BPGM: variants seen among roughly 807,000 people sequenced by gnomAD.
BPGM encodes the protein bisphosphoglycerate mutase, also known as 2,3-bisphosphoglycerate mutase, erythrocyte.
A neutral mutation model predicts 21.6 loss-of-function variants in BPGM; 15 were observed. The observed-to-expected ratio is 0.70, with a 90% CI of 0.47 to 1.07. The LOEUF (loss-of-function observed/expected upper bound fraction) is 1.07, where lower values mean the gene tolerates loss of function less well. Among genes scored for constraint, BPGM ranks in the 50% least tolerant of loss-of-function variants. The pLI is 0.00. For missense variants in BPGM, 273 were observed against 319.0 expected (o/e 0.86, Z 1.10); for synonymous variants, 113 against 116.2 (o/e 0.97, Z 0.18).
At chr7:134,671,400 T>G (rs1345718708) in intron 2 of BPGM, among the ~76,000 whole-genome samples, 18 of 151,132 alleles carry the variant, frequency 1.2e-4, no homozygotes, top group African/African-American at 4.4e-4. Flanking sequence ...CTCGCTCTGT[T>G]GCCCAGGCTG....
chr7:134,676,409 T>C (rs147191557), intron 2 of BPGM, among the ~76,000 whole-genome samples: 43 of 152,262 alleles, frequency 2.8e-4, no homozygotes, highest in African/African-American at 9.1e-4. Context: ...AACAAATTAA[T>C]TTTTTATAGT....
At position 134,661,754 on chromosome 7, in the gene BPGM, A is replaced by G; in HGVS notation, c.247A>G (p.Ser83Gly). 6.2e-7 allele frequency: 1 copy of G among 1,614,132 alleles called. No homozygotes were observed. Among genetic ancestry groups the G allele is most frequent in the Non-Finnish European group, 8.5e-7 (1 of 1,180,024 alleles). ...ELGQEWVPVE[S>G]SWRLNERHYG... ...AGGCCAGGAATGGGTGCCTGTGGAA[A>G]GCTCCTGGCGTCTAAATGAGCGTCA... Residue 83 changes from serine to glycine, a missense_variant, in exon 2 of 3, where the codon AGC (serine) becomes GGC (glycine). Transcript: ENST00000344924. The surrounding 1 kb of genome is among the most constrained non-coding windows in gnomAD (Gnocchi z 4.6).
chr7:134,663,365 GAT>G (rs1554411773), intron 2 of BPGM, among the ~76,000 whole-genome samples: 1 of 105,352 alleles, frequency 9.5e-6, no homozygotes, highest in South Asian at 4.3e-4. Context: ...CATGGCACTT[GAT>G]ATGTGTGTGT....
At chr7:134,677,456 T>G (rs1795999095) in intron 2 of BPGM, among the ~76,000 whole-genome samples, 1 of 152,090 alleles carries the variant, frequency 6.6e-6, no homozygotes, top group South Asian at 2.1e-4. Flanking sequence ...TGTATAAGAG[T>G]TATTAGGGAG....
At chr7:134,651,916 T>A (rs1795560653) in intron 1 of BPGM, among the ~76,000 whole-genome samples, 1 of 152,176 alleles carries the variant, frequency 6.6e-6, no homozygotes, top group Admixed American at 6.5e-5. Context: ...TGAGGCACTA[T>A]GGGATAATTT....
At chr7:134,651,572 A>G (rs754749406) in intron 1 of BPGM, among the ~76,000 whole-genome samples, 81 of 152,216 alleles carry the variant, frequency 5.3e-4, no homozygotes, top group Admixed American at 1.4e-3. Context: ...ATCATGCTAC[A>G]TTTGTTGAAA....
chr7:134,648,392 C>A (rs548084079), intron 1 of BPGM, among the ~76,000 whole-genome samples: 9 of 152,158 alleles, frequency 5.9e-5, no homozygotes, highest in African/African-American at 1.9e-4. Context: ...GCCTCGGCCT[C>A]CCAAAGTGCT....
At position 134,662,109 on chromosome 7, in the gene BPGM, G is replaced by A. The variant is rs925069034; in HGVS notation, c.601+1G>A. The A allele has an allele frequency of 6.8e-6, 11 of 1,613,876 alleles. No homozygotes were observed. Among genetic ancestry groups the A allele is most frequent in the Non-Finnish European group, 9.3e-6 (11 of 1,180,004 alleles). On this transcript the variant is annotated splice_donor_variant, in intron 2 of 2. Coordinates refer to ENST00000344924, the MANE Select transcript of BPGM (RefSeq NM_001724.5). LOFTEE classifies it high-confidence loss of function. ...AGGGCACTCCTAAAACACCTGGAAGGTACCAGCTTTATATACCACTTATTA... is the reference window on the plus strand; with the variant it reads ...AGGGCACTCCTAAAACACCTGGAAGATACCAGCTTTATATACCACTTATTA...
chr7:134,676,481 A>G (rs1464270120), intron 2 of BPGM, among the ~76,000 whole-genome samples: 1 of 152,218 alleles, frequency 6.6e-6, no homozygotes, highest in Non-Finnish European at 1.5e-5. Context: ...TTAGTGAGCA[A>G]TATGCTTACA....
chr7:134,650,645 G>A (rs560081863), intron 1 of BPGM, among the ~76,000 whole-genome samples: 4 of 152,316 alleles, frequency 2.6e-5, no homozygotes, highest in African/African-American at 7.2e-5. Flanking sequence ...AGCCTTGGCC[G>A]AGCACGGTGG....
At position 134,661,446 on chromosome 7, in the gene BPGM, G is replaced by T; in HGVS notation, c.-61-1G>T. On this transcript the variant is annotated splice_acceptor_variant, in intron 1 of 2. Transcript: ENST00000344924. LOFTEE classifies it low-confidence loss of function (5UTR_SPLICE). The surrounding 1 kb of genome is among the most constrained non-coding windows in gnomAD (Gnocchi z 4.6). ...TAGACTTGTTGTTCTTGTCTTTCTA[G>T]ATGTATTGCTGTCCTTGAATATTAG... The T allele has an allele frequency of 6.2e-7, 1 of 1,608,774 alleles. No homozygotes were observed. The highest frequency in any genetic ancestry group is 8.5e-7 in the Non-Finnish European group (1 of 1,175,898).
At chr7:134,652,810 G>A (rs1258233115) in intron 1 of BPGM, among the ~76,000 whole-genome samples, 6 of 152,094 alleles carry the variant, frequency 3.9e-5, no homozygotes, top group African/African-American at 1.2e-4. Flanking sequence ...ACAGGGTTTC[G>A]TTCTTTTTAT....
intron 1 of BPGM, among the ~76,000 whole-genome samples, chr7:134,656,471 A>T (rs1795640592): frequency 6.6e-6 from 1 of 152,242 alleles, no homozygotes; most frequent in Admixed American, 6.5e-5. Flanking sequence ...GGGTAATTTT[A>T]TAAAGGAAAG....
chr7:134,662,148 G>A lies in BPGM; in HGVS notation c.601+40G>A, dbSNP rs369978968. ...TACCACTTATTAGAGGTTGCCAAGT[G>A]TGATATCTAGGCCTTAATCTAGAAA... On this transcript the variant is annotated intron_variant, in intron 2 of 2. Transcript: ENST00000344924. 22 of 1,612,248 alleles carry A rather than the reference G, an allele frequency of 1.4e-5. No homozygotes were observed. In the African/African-American group the frequency reaches 2.8e-4, roughly 21 times the overall value.
At chr7:134,669,688 A>G (rs752651874) in intron 2 of BPGM, among the ~76,000 whole-genome samples, 2 of 152,234 alleles carry the variant, frequency 1.3e-5, no homozygotes, top group Non-Finnish European at 2.9e-5. Context: ...TGACTTATTT[A>G]TATAATATCT....
At chr7:134,665,069 CTT>C (rs962888271) in intron 2 of BPGM, among the ~76,000 whole-genome samples, 1 of 152,124 alleles carries the variant, frequency 6.6e-6, no homozygotes, top group Non-Finnish European at 1.5e-5. Context: ...GAGTTGTACA[CTT>C]TGTGTGGGTG....
intron 2 of BPGM, among the ~76,000 whole-genome samples, chr7:134,676,531 A>C (rs1795985629): frequency 6.6e-6 from 1 of 152,070 alleles, no homozygotes. Flanking sequence ...TGCACAGTAG[A>C]TGAATGTAAA....
At chr7:134,669,533 C>G (rs1448073537) in intron 2 of BPGM, among the ~76,000 whole-genome samples, 1 of 151,954 alleles carries the variant, frequency 6.6e-6, no homozygotes, top group Non-Finnish European at 1.5e-5. Flanking sequence ...CTGGAGTCAG[C>G]GCAGATGAAT....
intron 2 of BPGM, among the ~76,000 whole-genome samples, chr7:134,663,512 A>G (rs148161012): frequency 2.6e-5 from 4 of 152,342 alleles, no homozygotes; most frequent in African/African-American, 9.6e-5. Flanking sequence ...ATATAACTTC[A>G]TCATTAATGG....
Sources: gnomAD v4.1 joint callset for allele counts (sites outside exome capture counted in the v4.1 genomes callset) on GRCh38, gnomAD v4.1.1 for gene constraint, Gnocchi (gnomAD v3.1) non-coding constraint, MANE v1.5 for transcripts, NCBI Gene and HGNC (gene_info 2026-07-23, HGNC 2026-07-21) for gene names.